Variants in SH3RF3 observed in about 807,000 individuals in gnomAD.
SH3RF3 encodes the protein SH3 domain containing ring finger 3.
A neutral mutation model predicts 66.3 loss-of-function variants in SH3RF3; 29 were observed. That is an observed-to-expected ratio of 0.44 (90% CI 0.33 to 0.60). The LOEUF is 0.60. SH3RF3 is among the 20% of genes least tolerant of loss of function. SH3RF3 has a pLI of 0.04. For synonymous variants in SH3RF3, 583 were observed against 532.0 expected (o/e 1.10, Z -1.32); for missense variants, 1,194 against 1,190.9 (o/e 1.00, Z -0.04).
chr2:109,138,412 G>A (rs547074428), intron 1 of SH3RF3, among the ~76,000 whole-genome samples: 1 of 152,364 alleles, frequency 6.6e-6, no homozygotes, highest in Admixed American at 6.5e-5. Context: ...AGGCTTGGGA[G>A]TTTAGCTGTA....
chr2:109,182,495 A>C (rs1174946139), intron 1 of SH3RF3, among the ~76,000 whole-genome samples: 1 of 152,256 alleles, frequency 6.6e-6, no homozygotes. Context: ...AGGTGTCTGC[A>C]TAGTATAATC....
intron 1 of SH3RF3, among the ~76,000 whole-genome samples, chr2:109,142,668 A>C (rs1676985401): frequency 1.3e-5 from 2 of 152,138 alleles, no homozygotes. Context: ...TCCATCCTGG[A>C]GTCACCTGTG....
At chr2:109,350,050 G>A (rs1682807307) in intron 2 of SH3RF3, among the ~76,000 whole-genome samples, 1 of 152,242 alleles carries the variant, frequency 6.6e-6, no homozygotes, top group South Asian at 2.1e-4. Context: ...AGCTGCATCG[G>A]ATCACCAGGG....
chr2:109,377,492 C>T (rs1036664242), intron 3 of SH3RF3, among the ~76,000 whole-genome samples: 1 of 152,174 alleles, frequency 6.6e-6, no homozygotes, highest in Non-Finnish European at 1.5e-5. Context: ...TGACGCCAGA[C>T]CCAAGCCTCT....
At chr2:109,350,994 G>A (rs1682825487) in intron 2 of SH3RF3, among the ~76,000 whole-genome samples, 1 of 152,242 alleles carries the variant, frequency 6.6e-6, no homozygotes, top group African/African-American at 2.4e-5. Context: ...GTTTGCTTTT[G>A]AATAGTCCTG....
intron 8 of SH3RF3, among the ~76,000 whole-genome samples, chr2:109,463,869 T>A (rs1678269995): frequency 6.6e-6 from 1 of 152,168 alleles, no homozygotes; most frequent in African/African-American, 2.4e-5. Context: ...TCAGCTGGGC[T>A]TTGAGGACTC....
chr2:109,476,063 G>C (rs561177426), intron 8 of SH3RF3, among the ~76,000 whole-genome samples: 8 of 152,240 alleles, frequency 5.3e-5, no homozygotes, highest in African/African-American at 1.9e-4. Flanking sequence ...AGTACTGTAC[G>C]GTATGCTTAG....
intron 8 of SH3RF3, among the ~76,000 whole-genome samples, chr2:109,455,067 TC>T (rs779679684): frequency 7.2e-5 from 11 of 152,186 alleles, no homozygotes; most frequent in Non-Finnish European, 1.3e-4. Flanking sequence ...TCAGAGACCT[TC>T]AGAGACTTGC....
Position 109,503,843 on chromosome 2 carries a change from C to A in SH3RF3, c.*2172C>A, listed in dbSNP as rs1679459348. On this transcript the variant is annotated 3_prime_UTR_variant, in exon 10 of 10. Transcript: ENST00000309415. ...GCTTCAGGTAGAAATGTGCTTCACCCTCCTGGTGGGGGGCGAGGACACAGC... is the reference window on the plus strand; with the variant it reads ...GCTTCAGGTAGAAATGTGCTTCACCATCCTGGTGGGGGGCGAGGACACAGC... 1.3e-5 allele frequency: 2 copies of A among 152,198 alleles called. No homozygotes were observed. The highest frequency in any genetic ancestry group is 6.5e-5 in the Admixed American group (1 of 15,282). 9.4% of individuals were successfully genotyped at this position (152,198 alleles called of 1,614,324 possible).
At chr2:109,420,604 C>A (rs1011141159) in intron 5 of SH3RF3, among the ~76,000 whole-genome samples, 1 of 152,114 alleles carries the variant, frequency 6.6e-6, no homozygotes, top group Middle Eastern at 3.2e-3. Context: ...AGCCACCACG[C>A]CTGGCTAAAT....
intron 8 of SH3RF3, among the ~76,000 whole-genome samples, chr2:109,481,677 T>C (rs1678837922): frequency 1.3e-5 from 2 of 152,214 alleles, no homozygotes; most frequent in African/African-American, 4.8e-5. Context: ...TGGAGGGCTC[T>C]GCCTCGCAGC....
At chr2:109,498,836 G>A (rs1390832698) in intron 9 of SH3RF3, among the ~76,000 whole-genome samples, 1 of 152,206 alleles carries the variant, frequency 6.6e-6, no homozygotes, top group Non-Finnish European at 1.5e-5. Flanking sequence ...TAAGAGCTGG[G>A]AAAGGGCAGG....
At chr2:109,195,226 CTAG>C (rs1558951188) in intron 1 of SH3RF3, among the ~76,000 whole-genome samples, 1 of 152,114 alleles carries the variant, frequency 6.6e-6, no homozygotes, top group African/African-American at 2.4e-5. Flanking sequence ...AGGACTAGGA[CTAG>C]GACTGCCTAC....
At chr2:109,419,681 CAG>C (rs1333878159) in intron 5 of SH3RF3, 39 bp downstream of exon 5, 9 of 1,535,396 alleles carry the variant, frequency 5.9e-6, no homozygotes, top group Admixed American at 3.9e-5. Flanking sequence ...CCTGTGCCTG[CAG>C]CCCTCCCTCC....
intron 8 of SH3RF3, among the ~76,000 whole-genome samples, chr2:109,468,576 C>T (rs1043650711): frequency 5.3e-5 from 8 of 151,972 alleles, no homozygotes; most frequent in African/African-American, 1.5e-4. Flanking sequence ...AAGTTAGGCC[C>T]GGTGTGGTAG....
intron 4 of SH3RF3, among the ~76,000 whole-genome samples, chr2:109,403,190 A>G (rs1026270095): frequency 6.6e-6 from 1 of 152,246 alleles, no homozygotes; most frequent in Non-Finnish European, 1.5e-5. Context: ...CCCGAGCACC[A>G]TGAAGCCTGG....
chr2:109,265,943 C>T (rs1680479169), intron 1 of SH3RF3, among the ~76,000 whole-genome samples: 1 of 152,164 alleles, frequency 6.6e-6, no homozygotes, highest in African/African-American at 2.4e-5. Context: ...AAATTACCCA[C>T]CGAGCCCTGG....
At chr2:109,353,536 G>C (rs1337175582) in intron 2 of SH3RF3, among the ~76,000 whole-genome samples, 1 of 152,204 alleles carries the variant, frequency 6.6e-6, no homozygotes, top group Non-Finnish European at 1.5e-5. Flanking sequence ...GGCGCCTGGA[G>C]GGACGTGGAG....
chr2:109,252,920 C>T (rs539172152), intron 1 of SH3RF3, among the ~76,000 whole-genome samples: 4 of 152,206 alleles, frequency 2.6e-5, no homozygotes, highest in African/African-American at 7.2e-5. Flanking sequence ...GTCAGCCCAT[C>T]GTAAGTAGGG....
Sources: allele counts gnomAD v4.1 joint callset (sites outside exome capture counted in the v4.1 genomes callset), GRCh38; gene constraint gnomAD v4.1.1; transcripts MANE v1.5; gene names NCBI Gene and HGNC (gene_info 2026-07-23, HGNC 2026-07-21).